Variants in ALMS1 observed in about 807,000 individuals in gnomAD.
ALMS1 encodes centrosome-associated protein ALMS1.
ALMS1 carries 271 observed loss-of-function variants against 352.2 expected under a neutral mutation model. That is an observed-to-expected ratio of 0.77 (90% CI 0.70 to 0.85). The LOEUF is 0.85. Ranked by LOEUF, ALMS1 falls within the 40% of genes least tolerant of loss-of-function variation. The pLI is 0.00. For synonymous variants in ALMS1, 1,865 were observed against 1,761.2 expected, an observed-to-expected ratio of 1.06 and a Z score of -1.48; for missense variants, 5,445 against 4,870.7, an observed-to-expected ratio of 1.12 and a Z score of -3.51.
chr2:73,558,437 A>G (rs958600779), intron 14 of ALMS1, among the ~76,000 whole-genome samples: 1 of 152,216 alleles, frequency 6.6e-6, no homozygotes, highest in African/African-American at 2.4e-5. Flanking sequence ...CTAATCAAAA[A>G]CTTTAGTGTT....
At chr2:73,594,012 T>A (rs1261518753) in intron 16 of ALMS1, among the ~76,000 whole-genome samples, 1 of 152,256 alleles carries the variant, frequency 6.6e-6, no homozygotes, top group Non-Finnish European at 1.5e-5. Flanking sequence ...GTTTTTTGTC[T>A]ATTATGAACA....
Position 73,462,250 on chromosome 2 carries a change from C to T in ALMS1, c.7674+6955C>T, listed in dbSNP as rs1422341681. Among the ~76,000 whole-genome samples, 7 of 152,236 alleles carry T rather than the reference C, an allele frequency of 4.6e-5. No homozygotes were observed. The East Asian group carries it at 9.6e-4, about 21-fold the overall frequency. ...AAAGGGAAGCCCATCAGACTAACAGCGGATCTCTCGGCAGAAACCCTATAA... is the reference window on the plus strand; with the variant it reads ...AAAGGGAAGCCCATCAGACTAACAGTGGATCTCTCGGCAGAAACCCTATAA... On this transcript the variant is annotated intron_variant, in intron 9 of 22. Coordinates refer to ENST00000613296, the MANE Select transcript of ALMS1 (RefSeq NM_001378454.1).
Position 73,450,066 on chromosome 2 carries a change from A to G in ALMS1, c.3539A>G (p.Gln1180Arg). The G allele has an allele frequency of 2.5e-6, 4 of 1,614,074 alleles. No individual in the cohort carries two copies. The highest frequency in any genetic ancestry group is 3.4e-6 in the Non-Finnish European group (4 of 1,179,970). The change falls in exon 8 of 23, where the codon CAG becomes CGG. Residue 1180 changes from glutamine (Q) to arginine (R), a missense_variant. Transcript: ENST00000613296. ...TCAGCTGTTACTGGACCAGGTAACCAGAAGACTTGGATACCAAGAGTACTT... is the reference window on the plus strand; with the variant it reads ...TCAGCTGTTACTGGACCAGGTAACCGGAAGACTTGGATACCAAGAGTACTT... ...KVSAVTGPGN[Q>R]KTWIPRVLST... is the part of the protein sequence containing the mutation.
At chr2:73,493,055 T>C (rs1246143347) in intron 10 of ALMS1, among the ~76,000 whole-genome samples, 1 of 152,096 alleles carries the variant, frequency 6.6e-6, no homozygotes, top group Non-Finnish European at 1.5e-5. Context: ...TGCTAAGGTA[T>C]TGTACTGAAT....
chr2:73,546,006 G>C (rs1024368200), intron 12 of ALMS1, among the ~76,000 whole-genome samples: 1 of 152,146 alleles, frequency 6.6e-6, no homozygotes, highest in Non-Finnish European at 1.5e-5. Flanking sequence ...TTCATCAGGT[G>C]CTCAGATTCA....
chr2:73,591,799 C>T (rs190251908), intron 16 of ALMS1, among the ~76,000 whole-genome samples: 245 of 152,284 alleles, frequency 1.6e-3, no homozygotes, highest in African/African-American at 5.7e-3. Flanking sequence ...AGGGCTACTT[C>T]CAGGCTGTAG....
intron 12 of ALMS1, among the ~76,000 whole-genome samples, chr2:73,544,375 G>C (rs1409629775): frequency 6.6e-6 from 1 of 152,116 alleles, no homozygotes; most frequent in Non-Finnish European, 1.5e-5. Flanking sequence ...TGGGGTGGGG[G>C]AAGCGGGGAG....
intron 9 of ALMS1, among the ~76,000 whole-genome samples, chr2:73,473,704 A>C (rs902812852): frequency 6.6e-6 from 1 of 152,142 alleles, no homozygotes; most frequent in Admixed American, 6.6e-5. Flanking sequence ...ATAAAAAGGA[A>C]ACAAATAGAA....
chr2:73,514,370 G>T (rs10865398), intron 10 of ALMS1, among the ~76,000 whole-genome samples: 74,466 of 151,530 alleles, frequency 0.49, 21,255 homozygotes, highest in African/African-American at 0.8. Flanking sequence ...TTCCTTGACT[G>T]TATAGTTTAC....
At chr2:73,603,434 C>A (rs1675744994) in intron 21 of ALMS1, 130 bp downstream of exon 21, 22 of 764,014 alleles carry the variant, frequency 2.9e-5, no homozygotes, top group East Asian at 5.7e-5. Flanking sequence ...TTGTGAGAGT[C>A]ATTTCTCACT....
chr2:73,494,414 A>T (rs1673060280), intron 10 of ALMS1, among the ~76,000 whole-genome samples: 1 of 152,226 alleles, frequency 6.6e-6, no homozygotes, highest in African/African-American at 2.4e-5. Context: ...TAAAATATTT[A>T]TCAAAATAAG....
intron 12 of ALMS1, among the ~76,000 whole-genome samples, chr2:73,536,138 T>A (rs1674023047): frequency 1.3e-5 from 2 of 152,194 alleles, no homozygotes; most frequent in South Asian, 4.1e-4. Flanking sequence ...ACACTGTTAA[T>A]GGCTACCAGA....
chr2:73,481,378 G>C (rs1222311466), intron 9 of ALMS1, among the ~76,000 whole-genome samples: 2 of 152,134 alleles, frequency 1.3e-5, no homozygotes, highest in Non-Finnish European at 2.9e-5. Flanking sequence ...TCAAAGATCA[G>C]ATAGTTGTAG....
intron 10 of ALMS1, among the ~76,000 whole-genome samples, chr2:73,494,076 A>G (rs1199947828): frequency 6.6e-6 from 1 of 152,234 alleles, no homozygotes; most frequent in East Asian, 1.9e-4. Context: ...CTTTGGCCAG[A>G]GACATGGGCT....
chr2:73,550,156 G>A lies in ALMS1; in HGVS notation c.9908-111G>A, dbSNP rs181980872. The A allele has an allele frequency of 6.2e-6, 7 of 1,132,988 alleles. No homozygotes were observed. The East Asian group carries it at 1.7e-4, about 28-fold the overall frequency. The allele number at this position is 1,132,988 out of a possible 1,614,324, so 70.2% of individuals were successfully genotyped here. Reference sequence around the variant, plus strand: ...ATTACAGGCATGAGCCATCGTGCCTGGCCTGTAGTGCTTTTTTCATAGAAT... The same window carrying A: ...ATTACAGGCATGAGCCATCGTGCCTAGCCTGTAGTGCTTTTTTCATAGAAT... On this transcript the variant is annotated intron_variant, in intron 12 of 22. Transcript: ENST00000613296.
rs547914710 is a variant in ALMS1 at position 73,491,137 on chromosome 2, G to T, written c.9178G>T (p.Asp3060Tyr). ...TLCPKTSSKL[D>Y]SGTLDERFHS... ...TTGTCCCAAGACTTCTTCCAAGTTG[G>T]ATAGTGGAACTTTAGATGAAAGATT... The change falls in exon 10 of 23, where the codon GAT becomes TAT. Residue 3060 changes from aspartate to tyrosine, a missense_variant. By Grantham distance (160) the Asp-to-Tyr change is radical. Transcript: ENST00000613296. 7 of 1,614,154 alleles carry T rather than the reference G, an allele frequency of 4.3e-6. No homozygotes were observed. In the South Asian group the frequency reaches 5.5e-5, roughly 13 times the overall value.
In ALMS1 at chr2:73,449,027, G is replaced by A; in HGVS notation, c.2500G>A (p.Ala834Thr). ...ALLDSHLPEE[A>T]LKVSAVSGPA... ...GCTGGACAGCCATCTACCCGAAGAG[G>A]CTCTGAAAGTTTCAGCTGTTTCTGG... The change falls in exon 8 of 23, where the codon GCT (alanine) becomes ACT (threonine). Residue 834 changes from alanine (A) to threonine (T), a missense_variant. Coordinates refer to ENST00000613296, the MANE Select transcript of ALMS1 (RefSeq NM_001378454.1). The A allele has an allele frequency of 6.2e-7, 1 of 1,613,996 alleles. No individual in the cohort carries two copies. Among genetic ancestry groups the A allele is most frequent in the Non-Finnish European group, 8.5e-7 (1 of 1,179,956 alleles).
chr2:73,495,964 T>A (rs983840929), intron 10 of ALMS1, among the ~76,000 whole-genome samples: 4 of 152,212 alleles, frequency 2.6e-5, no homozygotes, highest in Non-Finnish European at 5.9e-5. Flanking sequence ...GTTTCGAAGT[T>A]ATCATTAAAA....
intron 17 of ALMS1, among the ~76,000 whole-genome samples, chr2:73,600,225 G>A (rs1373911645): frequency 6.6e-6 from 1 of 152,180 alleles, no homozygotes; most frequent in African/African-American, 2.4e-5. Flanking sequence ...AAGTGGGAAG[G>A]AGGATTTTTA....
Sources: gnomAD v4.1 joint callset for allele counts (sites outside exome capture counted in the v4.1 genomes callset) on GRCh38, gnomAD v4.1.1 for gene constraint, MANE v1.5 for transcripts, NCBI Gene and HGNC (gene_info 2026-07-23, HGNC 2026-07-21) for gene names.